The following TEX9 variants were observed in gnomAD, a reference collection of about 807,000 sequenced individuals.
TEX9 encodes the protein testis-expressed protein 9.
TEX9 carries 74 observed loss-of-function variants against 59.6 expected under a neutral mutation model. That is an observed-to-expected ratio of 1.24 (90% confidence interval 1.03 to 1.51). The LOEUF (loss-of-function observed/expected upper bound fraction) is 1.51. Ranked by LOEUF, TEX9 falls within the 40% of genes most tolerant of loss-of-function variation. The pLI, the probability that TEX9 is intolerant of heterozygous loss-of-function variation, is 0.00. For missense variants in TEX9, 522 were observed against 447.8 expected (o/e 1.17, Z -1.49); for synonymous variants, 186 against 152.2 (o/e 1.22, Z -1.64).
chr15:56,397,362 T>G (rs2048530436), intron 9 of TEX9: 2 of 152,350 alleles, frequency 1.3e-5, no homozygotes, highest in Non-Finnish European at 2.9e-5. Context: ...GTTAAAGGCA[T>G]CCAGTTTTGA....
At chr15:56,410,778 TAAG>T (rs767353780) in intron 9 of TEX9, among the ~76,000 whole-genome samples, 1 of 152,186 alleles carries the variant, frequency 6.6e-6, no homozygotes, top group Non-Finnish European at 1.5e-5. Context: ...TCTATATTCT[TAAG>T]AAGGAAGACT....
chr15:56,435,490 A>T (rs1246746356), intron 12 of TEX9, among the ~76,000 whole-genome samples: 2 of 152,064 alleles, frequency 1.3e-5, no homozygotes, highest in African/African-American at 4.8e-5. Context: ...AACATAGGAT[A>T]TCACTAGAGA....
intron 1 of TEX9, among the ~76,000 whole-genome samples, chr15:56,358,802 C>G (rs2046736547): frequency 6.6e-6 from 1 of 152,018 alleles, no homozygotes; most frequent in African/African-American, 2.4e-5. Flanking sequence ...GTGGTGTCCC[C>G]CATGCTGTTC....
chr15:56,434,605 G>A (rs1381213750), intron 12 of TEX9, among the ~76,000 whole-genome samples: 1 of 152,028 alleles, frequency 6.6e-6, no homozygotes. Context: ...TGTTACTCAT[G>A]AACAAATTTT....
intron 1 of TEX9, chr15:56,323,761 AG>A (rs1249760000): frequency 1.3e-5 from 2 of 151,564 alleles, no homozygotes; most frequent in African/African-American, 6.1e-5. Flanking sequence ...GAGGAGAAGG[AG>A]GAGAAGGAGA....
intron 1 of TEX9, among the ~76,000 whole-genome samples, chr15:56,266,567 A>G (rs1482644352): frequency 1.3e-5 from 2 of 151,000 alleles, no homozygotes; most frequent in African/African-American, 4.9e-5. Flanking sequence ...ATGAGTGAGA[A>G]CACGCAGTGT....
In TEX9 at chr15:56,388,475, T is replaced by C. The variant is rs757903364; in HGVS notation, c.267T>C (p.Gly89=). ...AATGTTTATTTTTGGCCTGTAGAGG[T>C]CTGTTACCATCTGAAGGGATAGTTC... Residue 89 remains glycine (G), a synonymous_variant, in exon 5 of 13, where the codon GGT becomes GGC. Transcript: ENST00000352903. 10 of 1,610,858 alleles carry C rather than the reference T, an allele frequency of 6.2e-6. No homozygotes were observed. In the South Asian group the frequency reaches 1.1e-4, roughly 18 times the overall value.
At chr15:56,336,444 C>G (rs2046259214) in intron 1 of TEX9, among the ~76,000 whole-genome samples, 1 of 152,138 alleles carries the variant, frequency 6.6e-6, no homozygotes, top group Non-Finnish European at 1.5e-5. Flanking sequence ...TAATATCTCC[C>G]AGATTACCAA....
intron 3 of TEX9, among the ~76,000 whole-genome samples, chr15:56,377,004 G>C (rs2142073833): frequency 6.6e-6 from 1 of 152,270 alleles, no homozygotes; most frequent in Non-Finnish European, 1.5e-5. Flanking sequence ...ATTTATTGAA[G>C]AGACTGTCTT....
chr15:56,250,305 A>T (rs542409997), intron 1 of TEX9, among the ~76,000 whole-genome samples: 1 of 152,242 alleles, frequency 6.6e-6, no homozygotes, highest in African/African-American at 2.4e-5. Context: ...AGAAAGAGCA[A>T]AAGGAGCTAA....
At chr15:56,336,693 G>A (rs2046263350) in intron 1 of TEX9, among the ~76,000 whole-genome samples, 2 of 152,200 alleles carry the variant, frequency 1.3e-5, no homozygotes, top group African/African-American at 4.8e-5. Context: ...GGCAGCTGGA[G>A]AAGTTGAATT....
At chr15:56,247,750 C>T (rs1334267720) in intron 1 of TEX9, among the ~76,000 whole-genome samples, 5 of 152,166 alleles carry the variant, frequency 3.3e-5, no homozygotes, top group Non-Finnish European at 2.9e-5. Flanking sequence ...TGAAAGTATA[C>T]ATTTCACTTC....
At chr15:56,282,029 T>G (rs1310826985) in intron 1 of TEX9, among the ~76,000 whole-genome samples, 2 of 152,306 alleles carry the variant, frequency 1.3e-5, no homozygotes, top group African/African-American at 4.8e-5. Context: ...TCTAAATGCT[T>G]CTTTCAAATA....
At chr15:56,281,893 T>C (rs2141458465) in intron 1 of TEX9, among the ~76,000 whole-genome samples, 1 of 152,290 alleles carries the variant, frequency 6.6e-6, no homozygotes, top group African/African-American at 2.4e-5. Flanking sequence ...ATTATATTGG[T>C]TGATGCTAAT....
chr15:56,252,059 G>C (rs1409677864), intron 1 of TEX9, among the ~76,000 whole-genome samples: 2 of 152,090 alleles, frequency 1.3e-5, no homozygotes, highest in East Asian at 3.9e-4. Context: ...TCACTCTTTT[G>C]TCAAGAATTG....
At chr15:56,318,932 A>T (rs2045840204) in intron 1 of TEX9, among the ~76,000 whole-genome samples, 1 of 152,182 alleles carries the variant, frequency 6.6e-6, no homozygotes. Flanking sequence ...AAATGAGATT[A>T]AAGAACTCTA....
intron 1 of TEX9, among the ~76,000 whole-genome samples, chr15:56,309,693 GTTTTTTTTT>G (rs60648387): frequency 4.8e-4 from 29 of 60,786 alleles, no homozygotes; most frequent in East Asian, 3.3e-3. Context: ...TTTATGGGAA[GTTTTTTTTT>G]TTTTTTTTTT....
chr15:56,282,074 T>G (rs2044832849), intron 1 of TEX9, among the ~76,000 whole-genome samples: 1 of 152,140 alleles, frequency 6.6e-6, no homozygotes, highest in African/African-American at 2.4e-5. Flanking sequence ...TTATTTAACA[T>G]AGGTGAAAAA....
At chr15:56,288,060 A>T (rs1462520181) in intron 1 of TEX9, among the ~76,000 whole-genome samples, 1 of 152,186 alleles carries the variant, frequency 6.6e-6, no homozygotes, top group African/African-American at 2.4e-5. Context: ...GCTGGATCAT[A>T]TGATAGTTGT....
Sources: allele counts gnomAD v4.1 joint callset (sites outside exome capture counted in the v4.1 genomes callset), GRCh38; gene constraint gnomAD v4.1.1; transcripts MANE v1.5; gene names NCBI Gene and HGNC (gene_info 2026-07-23, HGNC 2026-07-21).